NCAPG2: variants seen among roughly 807,000 people sequenced by gnomAD.
NCAPG2 encodes the protein non-SMC condensin II complex subunit G2.
A neutral mutation model predicts 141.1 loss-of-function variants in NCAPG2; 53 were observed. The observed-to-expected ratio is 0.38, with a 90% CI of 0.30 to 0.47. The LOEUF is 0.47. NCAPG2 is among the 20% of genes least tolerant of loss of function. The probability of loss-of-function intolerance (pLI) is 0.99; values close to 1 mark genes in which losing one functional copy is unlikely to be tolerated. For missense variants in NCAPG2, 1,087 were observed against 1,389.0 expected, an observed-to-expected ratio of 0.78 and a Z score of 3.46; for synonymous variants, 499 against 490.7, an observed-to-expected ratio of 1.02 and a Z score of -0.22.
chr7:158,657,637 C>T (rs2129459413), intron 17 of NCAPG2, among the ~76,000 whole-genome samples: 1 of 152,338 alleles, frequency 6.6e-6, no homozygotes, highest in South Asian at 2.1e-4. Context: ...TGGCCACCAC[C>T]CCGTCTGGGA....
Position 158,664,190 on chromosome 7 carries a change from A to G in NCAPG2, c.1809T>C (p.Asn603=). 2.5e-6 allele frequency: 4 copies of G among 1,606,322 alleles called. No individual in the cohort carries two copies. Among genetic ancestry groups the G allele is most frequent in the Non-Finnish European group, 2.6e-6 (3 of 1,172,904 alleles). The change falls in exon 15 of 28, where the codon AAT becomes AAC. Residue 603 remains asparagine, a synonymous_variant. Transcript: ENST00000356309. ...EEEEDGREKE[N]VTVLDKTLSV... is the part of the protein sequence containing the mutation. The stretch of plus-strand genomic sequence containing the variant: ...CTGGCCCTGTTCTACTCACAGTCAC[A>G]TTCTCCTTCTCCCTTCCGTCCTCTT...
At chr7:158,697,818 A>G (rs1056841733) in intron 2 of NCAPG2, among the ~76,000 whole-genome samples, 2 of 152,182 alleles carry the variant, frequency 1.3e-5, no homozygotes, top group Non-Finnish European at 2.9e-5. Flanking sequence ...GGAGGCCATT[A>G]TCCATAGCAA....
chr7:158,655,019 C>G (rs1160889954), intron 21 of NCAPG2, 99 bp downstream of exon 21: 5 of 1,401,642 alleles, frequency 3.6e-6, no homozygotes, highest in Non-Finnish European at 4.8e-6. Flanking sequence ...TTAAGAATAA[C>G]ACTAATGTCT....
chr7:158,677,833 C>T (rs1256673900), intron 11 of NCAPG2, among the ~76,000 whole-genome samples: 4 of 152,006 alleles, frequency 2.6e-5, no homozygotes, highest in African/African-American at 9.7e-5. Flanking sequence ...TTTTTTGAAA[C>T]AGGGTCTTGC....
At chr7:158,650,494 C>A (rs571202510) in intron 24 of NCAPG2, among the ~76,000 whole-genome samples, 2 of 152,336 alleles carry the variant, frequency 1.3e-5, no homozygotes, top group South Asian at 4.1e-4. Flanking sequence ...ATTACAACTA[C>A]TTCTATCCTT....
intron 27 of NCAPG2, among the ~76,000 whole-genome samples, chr7:158,637,358 CT>C (rs1370396670): frequency 3.3e-5 from 5 of 152,192 alleles, no homozygotes; most frequent in Admixed American, 3.3e-4. Flanking sequence ...ACCCACCCAC[CT>C]GCTTTAGTGC....
chr7:158,683,121 C>T (rs1434422574), intron 9 of NCAPG2, among the ~76,000 whole-genome samples, 179 bp downstream of exon 9: 3 of 152,152 alleles, frequency 2.0e-5, no homozygotes, highest in Non-Finnish European at 4.4e-5. Context: ...TACACCTTTG[C>T]TTTCCTCATT....
chr7:158,660,480 T>C (rs899920862), intron 16 of NCAPG2, among the ~76,000 whole-genome samples: 1 of 147,838 alleles, frequency 6.8e-6, no homozygotes, highest in Non-Finnish European at 1.5e-5. Flanking sequence ...AGTGCAGTAG[T>C]ATGATCACAG....
At chr7:158,693,581 AGTGTT>A in intron 2 of NCAPG2, 84 bp from the exon 3 acceptor site, 1 of 1,208,262 alleles carries the variant, frequency 8.3e-7, no homozygotes, top group Non-Finnish European at 1.1e-6. Flanking sequence ...AGAAAAGTTA[AGTGTT>A]AACTTCATTA....
At position 158,668,475 on chromosome 7, in the gene NCAPG2, A is replaced by C. The variant is rs939073687; in HGVS notation, c.1479+3039T>G. On this transcript the variant is annotated intron_variant, in intron 13 of 27. Coordinates refer to ENST00000356309, the MANE Select transcript of NCAPG2 (RefSeq NM_017760.7). Reference sequence around the variant, plus strand: ...AATGGTAGAGTGGTTTTAAGTGCTTATCTTTTAGAGATACATTCTGAAATA... The same window carrying C: ...AATGGTAGAGTGGTTTTAAGTGCTTCTCTTTTAGAGATACATTCTGAAATA... 2.7e-5 allele frequency: 25 copies of C among 933,096 alleles called. No homozygotes were observed. In the South Asian group the frequency reaches 1.2e-3, roughly 46 times the overall value. 57.8% of individuals were successfully genotyped at this position (933,096 alleles called of 1,614,324 possible). A position where few individuals can be genotyped will look rare whatever the true frequency, so the allele number is the denominator to read the frequency against.
At chr7:158,686,039 A>G (rs1196755677) in intron 8 of NCAPG2, 133 bp downstream of exon 8, 2 of 546,756 alleles carry the variant, frequency 3.7e-6, no homozygotes, top group East Asian at 3.5e-5. Context: ...TGCCCATCAA[A>G]TAGATTTTCA....
chr7:158,665,368 C>T (rs576830559), intron 13 of NCAPG2: 2 of 152,478 alleles, frequency 1.3e-5, no homozygotes, highest in Non-Finnish European at 2.9e-5. Flanking sequence ...CAAAAGCATT[C>T]GAACTACCTA....
intron 2 of NCAPG2, 76 bp downstream of exon 2, chr7:158,701,746 T>A (rs1258860707): frequency 7.7e-7 from 1 of 1,290,864 alleles, no homozygotes; most frequent in African/African-American, 1.5e-5. Flanking sequence ...ATGTTTCTTT[T>A]GGGGACATAA....
intron 23 of NCAPG2, among the ~76,000 whole-genome samples, chr7:158,651,179 G>A (rs12531153): frequency 0.17 from 26,507 of 151,872 alleles, 3,204 homozygotes; most frequent in East Asian, 0.51. Flanking sequence ...GATGATAGAC[G>A]GGACCAAAGC....
chr7:158,694,756 C>T (rs541236006), intron 2 of NCAPG2, among the ~76,000 whole-genome samples: 2 of 152,164 alleles, frequency 1.3e-5, no homozygotes, highest in South Asian at 4.1e-4. Context: ...TCTCCTAGCT[C>T]CTCTCCTGCC....
intron 7 of NCAPG2, 63 bp downstream of exon 7, chr7:158,687,285 C>A: frequency 8.6e-7 from 1 of 1,164,248 alleles, no homozygotes; most frequent in Admixed American, 2.3e-5. Context: ...GAAGTCAGAC[C>A]AAATGGAATC....
chr7:158,640,052 C>CAAAAAAAAAAAAAAAAAAAAAAAACA (rs58368997), intron 27 of NCAPG2: 1 of 98,324 alleles, frequency 1.0e-5, no homozygotes, highest in African/African-American at 3.9e-5. Flanking sequence ...GAATAAATGC[C>CAAAAAAAAAAAAAAAAAAAAAAAACA]AAAAAAAAAA....
At chr7:158,672,761 C>G (rs1833824857) in intron 12 of NCAPG2, among the ~76,000 whole-genome samples, 1 of 152,186 alleles carries the variant, frequency 6.6e-6, no homozygotes, top group South Asian at 2.1e-4. Context: ...ACAGCCTCCT[C>G]TTGATCCTGC....
At chr7:158,671,407 CATAT>C in intron 13 of NCAPG2, 103 bp downstream of exon 13, 1 of 1,324,034 alleles carries the variant, frequency 7.6e-7, no homozygotes, top group Non-Finnish European at 1.1e-6. Flanking sequence ...CTGGTCAAAT[CATAT>C]CAGTTATCAG....
Sources: allele counts gnomAD v4.1 joint callset (sites outside exome capture counted in the v4.1 genomes callset), GRCh38; gene constraint gnomAD v4.1.1; transcripts MANE v1.5; gene names NCBI Gene and HGNC (gene_info 2026-07-23, HGNC 2026-07-21).